The following CCT7 variants were observed in gnomAD, a reference collection of about 807,000 sequenced individuals.
The protein encoded by CCT7 is chaperonin containing TCP1 subunit 7, also known as T-complex protein 1 subunit eta.
Under a neutral mutation model 56.6 loss-of-function variants are expected in CCT7, and 16 were observed. The observed-to-expected ratio is 0.28, with a 90% CI of 0.19 to 0.43. CCT7 has a LOEUF of 0.43. Ranked by LOEUF, CCT7 falls within the 20% of genes least tolerant of loss-of-function variation. The pLI, the probability that CCT7 is intolerant of heterozygous loss-of-function variation, is 1.00. For missense variants in CCT7, 519 were observed against 685.6 expected (o/e 0.76, Z 2.71); for synonymous variants, 262 against 254.8 (o/e 1.03, Z -0.27).
chr2:73,248,126 C>A (rs1010162884), intron 7 of CCT7, among the ~76,000 whole-genome samples, 200 bp downstream of exon 7: 1 of 152,118 alleles, frequency 6.6e-6, no homozygotes, highest in African/African-American at 2.4e-5. Context: ...TAGGGAACAC[C>A]TGTTGAAATA....
rs751498715 is a variant in CCT7, at chr2:73,251,449, C to A, written c.1410+17C>A. The A allele has an allele frequency of 5.6e-6, 9 of 1,596,522 alleles. No homozygotes were observed. The highest frequency in any genetic ancestry group is 7.7e-6 in the Non-Finnish European group (9 of 1,166,652). ...CATGCCCAGGTGGGTCCTTTCTCTCCCCAGGGTTCAGGGTTTGGGCGGGTG... is the reference window on the plus strand; with the variant it reads ...CATGCCCAGGTGGGTCCTTTCTCTCACCAGGGTTCAGGGTTTGGGCGGGTG... On this transcript the variant is annotated intron_variant, in intron 11 of 11. Coordinates refer to ENST00000258091, the MANE Select transcript of CCT7 (RefSeq NM_006429.4).
intron 7 of CCT7, 27 bp from the exon 8 acceptor site, chr2:73,248,964 T>G: frequency 1.3e-6 from 2 of 1,596,162 alleles, no homozygotes; most frequent in Middle Eastern, 2.2e-4. Flanking sequence ...CCCCAAAGCA[T>G]TCTCATCCTT....
chr2:73,251,403 C>A lies in CCT7; in HGVS notation c.1381C>A (p.Leu461Ile), dbSNP rs1169228064. The A allele has an allele frequency of 6.3e-7, 1 of 1,597,534 alleles. No homozygotes were observed. Among genetic ancestry groups the A allele is most frequent in the East Asian group, 2.3e-5 (1 of 43,820 alleles). ...TGCTGGCTTTGATGCCACAAACATT[C>A]TCAACAAGCTGCGGGCTCGGCATGC... ...DNAGFDATNI[L>I]NKLRARHAQG... Residue 461 changes from leucine to isoleucine, a missense_variant, in exon 11 of 12, where the codon CTC becomes ATC. By Grantham distance (5) the Leu-to-Ile change is conservative. Coordinates refer to ENST00000258091, the MANE Select transcript of CCT7 (RefSeq NM_006429.4).
chr2:73,236,563 A>G (rs530172491), intron 1 of CCT7, among the ~76,000 whole-genome samples: 2 of 152,164 alleles, frequency 1.3e-5, no homozygotes, highest in South Asian at 4.1e-4. Context: ...CTGGTCTCGA[A>G]CACCTGACCT....
chr2:73,241,551 G>A (rs1202045558), intron 3 of CCT7, among the ~76,000 whole-genome samples: 1 of 151,964 alleles, frequency 6.6e-6, no homozygotes, highest in East Asian at 1.9e-4. Flanking sequence ...AGGAGTTTGA[G>A]ATCAGCCTGG....
At chr2:73,243,608 A>G (rs1461906513) in intron 4 of CCT7, among the ~76,000 whole-genome samples, 4 of 152,328 alleles carry the variant, frequency 2.6e-5, no homozygotes, top group Admixed American at 1.3e-4. Flanking sequence ...ATATATTTGT[A>G]TGCATATTTT....
intron 9 of CCT7, 80 bp from the exon 10 acceptor site, chr2:73,250,226 G>C (rs139395789): frequency 3.1e-5 from 47 of 1,536,342 alleles, no homozygotes; most frequent in East Asian, 2.3e-4. Flanking sequence ...CTGAGTGTTG[G>C]GGGGGCTGGC....
chr2:73,252,324 G>GATATAA (rs1553379998), intron 11 of CCT7, among the ~76,000 whole-genome samples: 3 of 127,320 alleles, frequency 2.4e-5, no homozygotes, highest in Non-Finnish European at 5.0e-5. Flanking sequence ...CTCATTGTTT[G>GATATAA]ATATATATAT....
chr2:73,235,567 G>T, intron 1 of CCT7: 1 of 1,002,156 alleles, frequency 1.0e-6, no homozygotes, highest in South Asian at 4.7e-5. Flanking sequence ...CATTCTTGAA[G>T]TCGTCTTCAT....
Position 73,234,373 on chromosome 2 carries a change from T to A in CCT7, c.-6T>A. The stretch of plus-strand genomic sequence containing the variant: ...AGAGTGGCGGGCCGCTGAATAAGCT[T>A]CCAAAATGATGGTGAGTGGCGTCTC... On this transcript the variant is annotated 5_prime_UTR_variant, in exon 1 of 12. Transcript: ENST00000258091. The A allele has an allele frequency of 6.2e-7, 1 of 1,613,564 alleles. No homozygotes were observed. Among genetic ancestry groups the A allele is most frequent in the Non-Finnish European group, 8.5e-7 (1 of 1,179,994 alleles).
At chr2:73,250,538 C>G in intron 10 of CCT7, 100 bp downstream of exon 10, 1 of 1,355,468 alleles carries the variant, frequency 7.4e-7, no homozygotes, top group Non-Finnish European at 1.0e-6. Flanking sequence ...TCTATATAAC[C>G]TGCCCTTTCC....
At chr2:73,235,643 T>A in intron 1 of CCT7, 2 of 757,976 alleles carry the variant, frequency 2.6e-6, no homozygotes, top group Non-Finnish European at 1.6e-6. Context: ...ACTGAATGCC[T>A]AGGTTTGTAA....
At chr2:73,252,527 CACCA>C in intron 11 of CCT7, 109 bp from the exon 12 acceptor site, 1 of 797,702 alleles carries the variant, frequency 1.3e-6, no homozygotes, top group Admixed American at 2.4e-5. Context: ...AGCGAAATGC[CACCA>C]AGTTCAGAGA....
chr2:73,244,750 C>A, intron 6 of CCT7, 35 bp downstream of exon 6: 1 of 1,554,416 alleles, frequency 6.4e-7, no homozygotes, highest in Non-Finnish European at 8.8e-7. Flanking sequence ...ACAGCTCTTG[C>A]TTTCATATTG....
At chr2:73,247,079 G>A (rs1687371603) in intron 6 of CCT7, among the ~76,000 whole-genome samples, 1 of 152,170 alleles carries the variant, frequency 6.6e-6, no homozygotes. Context: ...ATTATGCCCT[G>A]CTGTTAAATC....
intron 1 of CCT7, among the ~76,000 whole-genome samples, chr2:73,235,856 A>C (rs1251116004): frequency 6.6e-6 from 1 of 152,122 alleles, no homozygotes; most frequent in Admixed American, 6.5e-5. Context: ...TCACATTCAC[A>C]CAGCTAGGGA....
At chr2:73,251,109 G>C in intron 10 of CCT7, 117 bp from the exon 11 acceptor site, 1 of 892,124 alleles carries the variant, frequency 1.1e-6, no homozygotes, top group East Asian at 2.5e-5. Context: ...TGGGGCTTGG[G>C]ATGGAGGAAG....
intron 2 of CCT7, 146 bp downstream of exon 2, chr2:73,239,942 T>C (rs540150336): frequency 4.0e-5 from 29 of 716,942 alleles, no homozygotes; most frequent in African/African-American, 1.3e-4. Flanking sequence ...CCAATTCTTA[T>C]ATTGTCCTGA....
chr2:73,251,474 G>T, intron 11 of CCT7, 42 bp downstream of exon 11: 2 of 1,410,610 alleles, frequency 1.4e-6, no homozygotes, highest in Non-Finnish European at 2.0e-6. Context: ...TTGGGCGGGT[G>T]GGGCTAGATT....
Sources: gnomAD v4.1 joint callset for allele counts (sites outside exome capture counted in the v4.1 genomes callset) on GRCh38, gnomAD v4.1.1 for gene constraint, MANE v1.5 for transcripts, NCBI Gene and HGNC (gene_info 2026-07-23, HGNC 2026-07-21) for gene names.